Variants in NAA60 observed in about 807,000 individuals in gnomAD.
NAA60 encodes the protein N-alpha-acetyltransferase 60.
A neutral mutation model predicts 26.1 loss-of-function variants in NAA60; 8 were observed. The ratio of observed to expected loss-of-function variants is 0.31; its 90% CI spans 0.18 to 0.55. NAA60 has a LOEUF of 0.55. Among genes scored for constraint, NAA60 ranks in the 20% least tolerant of loss-of-function variants. NAA60 has a pLI of 0.93. For missense variants in NAA60, 290 were observed against 311.3 expected, an observed-to-expected ratio of 0.93 and a Z score of 0.51; for synonymous variants, 131 against 122.5, an observed-to-expected ratio of 1.07 and a Z score of -0.46.
chr16:3,483,986 A>G (rs1165949485), intron 6 of NAA60, among the ~76,000 whole-genome samples: 2 of 152,322 alleles, frequency 1.3e-5, no homozygotes, highest in East Asian at 3.9e-4. Context: ...CAGAGGGGAA[A>G]CAAGTGCGGA....
chr16:3,448,596 G>T, intron 2 of NAA60, 56 bp downstream of exon 2: 1 of 1,423,584 alleles, frequency 7.0e-7, no homozygotes, highest in Non-Finnish European at 9.5e-7. Context: ...GTCAGAGGAA[G>T]CCTACTTAAG....
At chr16:3,479,654 A>G in intron 4 of NAA60, 54 bp downstream of exon 4, 2 of 1,593,406 alleles carry the variant, frequency 1.3e-6, no homozygotes, top group Non-Finnish European at 8.6e-7. Context: ...GGACGGGCCA[A>G]GGGGGCTTGC....
intron 2 of NAA60, among the ~76,000 whole-genome samples, chr16:3,457,711 C>CG (rs1044416643): frequency 1.1e-4 from 16 of 152,276 alleles, no homozygotes; most frequent in African/African-American, 1.9e-4. Context: ...AGGGCCTGTG[C>CG]GGGGGGGCCA....
chr16:3,463,085 G>T (rs569919001), intron 2 of NAA60, among the ~76,000 whole-genome samples: 2 of 152,068 alleles, frequency 1.3e-5, no homozygotes, highest in South Asian at 2.1e-4. Context: ...ATTTATTTCC[G>T]GGATGAGTGC....
At chr16:3,465,369 GCGTTC>G (rs2035684363) in intron 2 of NAA60, among the ~76,000 whole-genome samples, 1 of 151,016 alleles carries the variant, frequency 6.6e-6, no homozygotes, top group Admixed American at 6.6e-5. Context: ...CCCCGGTTTA[GCGTTC>G]TGTCCTTCTC....
chr16:3,471,139 A>T (rs1397915479), intron 2 of NAA60, among the ~76,000 whole-genome samples: 1 of 152,190 alleles, frequency 6.6e-6, no homozygotes, highest in Non-Finnish European at 1.5e-5. Flanking sequence ...GACATGAGAG[A>T]TGCGAGCTTA....
intron 4 of NAA60, among the ~76,000 whole-genome samples, chr16:3,481,051 CT>C (rs2036797424): frequency 2.0e-5 from 3 of 152,118 alleles, no homozygotes; most frequent in Admixed American, 6.6e-5. Context: ...CCCTAGCTTC[CT>C]CCTGAGCTTT....
At chr16:3,455,930 A>G (rs9745851) in intron 2 of NAA60, among the ~76,000 whole-genome samples, 12,874 of 149,718 alleles carry the variant, frequency 0.086, 757 homozygotes, top group South Asian at 0.18. Flanking sequence ...TGGTCTCGAT[A>G]TCTTGACCTC....
At chr16:3,458,036 CG>C in intron 2 of NAA60, 1 of 985,232 alleles carries the variant, frequency 1.0e-6, no homozygotes, top group Non-Finnish European at 1.2e-6. Flanking sequence ...GGAAGTGCCG[CG>C]GGCTGCCGCC....
At chr16:3,444,021 A>G (rs2034448198) in intron 1 of NAA60, 184 bp downstream of exon 1, 1 of 1,190,524 alleles carries the variant, frequency 8.4e-7, no homozygotes, top group Non-Finnish European at 1.1e-6. Context: ...ACATCGGTGT[A>G]GGCCAGGTTG....
intron 4 of NAA60, among the ~76,000 whole-genome samples, chr16:3,480,642 G>A (rs546396835): frequency 7.4e-5 from 11 of 147,788 alleles, no homozygotes; most frequent in African/African-American, 2.7e-4. Flanking sequence ...GAAGGCCTGG[G>A]CACAGTGGCT....
intron 2 of NAA60, among the ~76,000 whole-genome samples, chr16:3,473,755 G>A (rs760789381): frequency 2.0e-5 from 3 of 150,620 alleles, no homozygotes; most frequent in Non-Finnish European, 4.4e-5. Flanking sequence ...TGTTTTTTGA[G>A]ATGGAGTCTT....
intron 1 of NAA60, among the ~76,000 whole-genome samples, chr16:3,445,276 CTTTTTTT>C (rs960897042): frequency 8.4e-6 from 1 of 118,470 alleles, no homozygotes; most frequent in Non-Finnish European, 1.6e-5. Flanking sequence ...GTGCTTATCT[CTTTTTTT>C]TTTTTTTTTT....
At chr16:3,458,341 C>G (rs1010828467) in intron 2 of NAA60, among the ~76,000 whole-genome samples, 1 of 151,182 alleles carries the variant, frequency 6.6e-6, no homozygotes, top group South Asian at 2.1e-4. Flanking sequence ...CCCCGGCGCA[C>G]GGTCCTCCCG....
intron 2 of NAA60, among the ~76,000 whole-genome samples, chr16:3,470,838 G>A (rs1033430844): frequency 4.6e-5 from 7 of 152,214 alleles, no homozygotes; most frequent in African/African-American, 1.7e-4. Context: ...CCTTTCATGG[G>A]CACACAGGTG....
At chr16:3,449,577 C>T (rs116926826) in intron 2 of NAA60, among the ~76,000 whole-genome samples, 5,428 of 151,994 alleles carry the variant, frequency 0.036, 131 homozygotes, top group Non-Finnish European at 0.052. Context: ...CCCAGCTACT[C>T]GGGAGGCTAA....
At chr16:3,485,367 G>A (rs974615659) in intron 7 of NAA60, 100 bp from the exon 8 acceptor site, 1 of 473,668 alleles carries the variant, frequency 2.1e-6, no homozygotes, top group Admixed American at 2.3e-5. Flanking sequence ...CATGCTCCTG[G>A]AGCACCCAGG....
At chr16:3,450,199 C>G in intron 2 of NAA60, 1 of 353,014 alleles carries the variant, frequency 2.8e-6, no homozygotes. Context: ...GTGCTAGTCT[C>G]ATGGAGCTTT....
intron 2 of NAA60, among the ~76,000 whole-genome samples, chr16:3,455,916 A>G (rs2150953895): frequency 6.6e-6 from 1 of 151,986 alleles, no homozygotes; most frequent in Non-Finnish European, 1.5e-5. Flanking sequence ...CATGTTGGCC[A>G]GGATGGTCTC....
Sources: allele counts gnomAD v4.1 joint callset (sites outside exome capture counted in the v4.1 genomes callset), GRCh38; gene constraint gnomAD v4.1.1; transcripts MANE v1.5; gene names NCBI Gene and HGNC (gene_info 2026-07-23, HGNC 2026-07-21).